Variants in DDX46 observed in about 807,000 individuals in gnomAD.
DDX46 encodes the protein DEAD-box helicase 46.
In DDX46, 30 loss-of-function variants were observed where a neutral mutation model predicts 134.9. That is an observed-to-expected ratio of 0.22 (90% confidence interval 0.17 to 0.30). The LOEUF is 0.30. Ranked by LOEUF, DDX46 falls within the 10% of genes least tolerant of loss-of-function variation. The pLI is 1.00. For synonymous variants in DDX46, 415 were observed against 404.1 expected (o/e 1.03, Z -0.32); for missense variants, 622 against 1,248.7 (o/e 0.50, Z 7.56).
intron 5 of DDX46, among the ~76,000 whole-genome samples, chr5:134,776,386 G>A (rs1478598799): frequency 6.7e-6 from 1 of 150,226 alleles, no homozygotes; most frequent in Non-Finnish European, 1.5e-5. Context: ...GAGTGAGACT[G>A]TCTAGAAAAA....
chr5:134,802,518 G>A (rs1754864312), intron 15 of DDX46, among the ~76,000 whole-genome samples: 1 of 145,860 alleles, frequency 6.9e-6, no homozygotes, highest in African/African-American at 2.5e-5. Context: ...TTTTGTCATC[G>A]CCTATCAAAT....
At chr5:134,810,491 C>T (rs144400076) in intron 16 of DDX46, among the ~76,000 whole-genome samples, 308 of 151,652 alleles carry the variant, frequency 2.0e-3, no homozygotes, top group Middle Eastern at 3.4e-3. Context: ...AGGCATGCCA[C>T]CACCACACTC....
At chr5:134,783,106 G>T in intron 9 of DDX46, 41 bp downstream of exon 9, 1 of 1,603,270 alleles carries the variant, frequency 6.2e-7, no homozygotes. Flanking sequence ...GTGTCTTGCT[G>T]CTCAAAATAG....
At chr5:134,768,348 G>A (rs2150131224) in intron 3 of DDX46, among the ~76,000 whole-genome samples, 1 of 151,728 alleles carries the variant, frequency 6.6e-6, no homozygotes, top group Non-Finnish European at 1.5e-5. Context: ...CTGATCTCGT[G>A]ATCCACCCGC....
At chr5:134,763,288 C>T (rs148702880) in intron 1 of DDX46, among the ~76,000 whole-genome samples, 1 of 152,260 alleles carries the variant, frequency 6.6e-6, no homozygotes, top group Non-Finnish European at 1.5e-5. Flanking sequence ...TTAAAGTCTT[C>T]CAGTAGATTT....
intron 21 of DDX46, among the ~76,000 whole-genome samples, chr5:134,819,807 T>C (rs1023082925): frequency 8.5e-5 from 13 of 152,098 alleles, no homozygotes; most frequent in African/African-American, 3.1e-4. Context: ...AGTGCTAGGA[T>C]TGCAGGCATG....
At chr5:134,820,864 C>CTTTTCTTT (rs1755423979) in intron 21 of DDX46, among the ~76,000 whole-genome samples, 2 of 123,228 alleles carry the variant, frequency 1.6e-5, no homozygotes, top group African/African-American at 6.2e-5. Flanking sequence ...CTTTTCTTTT[C>CTTTTCTTT]TTTTTTTTTT....
At chr5:134,767,122 CTTTTT>C in intron 3 of DDX46, 62 bp downstream of exon 3, 1 of 1,209,796 alleles carries the variant, frequency 8.3e-7, no homozygotes, top group Non-Finnish European at 1.1e-6. Context: ...TTCTCTGCGC[CTTTTT>C]TTTTTTTCCC....
chr5:134,808,146 G>T (rs1755042004), intron 16 of DDX46, among the ~76,000 whole-genome samples: 1 of 152,160 alleles, frequency 6.6e-6, no homozygotes, highest in South Asian at 2.1e-4. Flanking sequence ...GCTGCTCTTT[G>T]TAGGCAGATC....
chr5:134,778,979 T>C (rs533510822), intron 6 of DDX46, among the ~76,000 whole-genome samples: 2 of 152,008 alleles, frequency 1.3e-5, no homozygotes, highest in African/African-American at 2.4e-5. Context: ...TCACTGCAAC[T>C]TCCACCTCCT....
intron 15 of DDX46, among the ~76,000 whole-genome samples, chr5:134,803,164 T>G (rs954353963): frequency 4.6e-5 from 7 of 152,112 alleles, no homozygotes; most frequent in Admixed American, 1.3e-4. Flanking sequence ...CAGCTAATTT[T>G]TGTGTTTTTA....
At chr5:134,808,482 C>T (rs1249376202) in intron 16 of DDX46, among the ~76,000 whole-genome samples, 1 of 152,140 alleles carries the variant, frequency 6.6e-6, no homozygotes, top group African/African-American at 2.4e-5. Context: ...AGTACAATTT[C>T]TACTGAATGC....
intron 15 of DDX46, among the ~76,000 whole-genome samples, chr5:134,803,341 G>C (rs561301593): frequency 1.3e-5 from 2 of 151,124 alleles, no homozygotes; most frequent in Admixed American, 6.6e-5. Context: ...TTAGATTTTT[G>C]CCTCATGAAT....
At chr5:134,810,305 C>T (rs955337473) in intron 16 of DDX46, among the ~76,000 whole-genome samples, 7 of 150,614 alleles carry the variant, frequency 4.6e-5, no homozygotes, top group African/African-American at 1.7e-4. Context: ...AAAGGTATGA[C>T]CACACAATTG....
In DDX46 at chr5:134,777,667, AAG is replaced by A; in HGVS notation, c.710_711del (p.Glu237GlyfsTer6). 6.2e-7 allele frequency: 1 copy of A among 1,613,498 alleles called. No homozygotes were observed. Among genetic ancestry groups the A allele is most frequent in the Non-Finnish European group, 8.5e-7 (1 of 1,179,884 alleles). ...TTAGATGCTTACATGGAAGAAGTGA[AAG>A]AGGAAGTAAAAAAATTTAACATGAG... On this transcript the variant is annotated frameshift_variant, in exon 6 of 23. Coordinates refer to ENST00000452510, the MANE Select transcript of DDX46 (RefSeq NM_001300860.2). LOFTEE classifies it high-confidence loss of function.
chr5:134,764,183 G>A, intron 2 of DDX46, 91 bp downstream of exon 2: 2 of 1,323,776 alleles, frequency 1.5e-6, no homozygotes, highest in Non-Finnish European at 2.0e-6. Context: ...TTCAACTGGA[G>A]TTTGGTGGCC....
chr5:134,781,789 CAG>C, intron 7 of DDX46, 130 bp from the exon 8 acceptor site: 1 of 840,144 alleles, frequency 1.2e-6, no homozygotes, highest in East Asian at 2.9e-5. Flanking sequence ...GTGGGTCAAA[CAG>C]TGTGTCGTAG....
chr5:134,774,897 C>A (rs955516098), intron 5 of DDX46, among the ~76,000 whole-genome samples: 4 of 151,848 alleles, frequency 2.6e-5, no homozygotes, highest in Non-Finnish European at 5.9e-5. Flanking sequence ...GTCACCCAGG[C>A]GGCACTGCAG....
At chr5:134,789,681 A>G (rs559853068) in intron 12 of DDX46, among the ~76,000 whole-genome samples, 3 of 150,568 alleles carry the variant, frequency 2.0e-5, no homozygotes, top group Admixed American at 6.6e-5. Context: ...ATTGTGGTCT[A>G]TTTTTAAATA....
Sources: gnomAD v4.1 joint callset for allele counts (sites outside exome capture counted in the v4.1 genomes callset) on GRCh38, gnomAD v4.1.1 for gene constraint, MANE v1.5 for transcripts, NCBI Gene and HGNC (gene_info 2026-07-23, HGNC 2026-07-21) for gene names.